The following GRIA1 variants were observed in gnomAD, a reference collection of about 807,000 sequenced individuals.
GRIA1 encodes glutamate ionotropic receptor AMPA type subunit 1, also known as glutamate receptor 1.
GRIA1 carries 31 observed loss-of-function variants against 99.2 expected under a neutral mutation model. The ratio of observed to expected loss-of-function variants is 0.31; its 90% CI spans 0.23 to 0.42. GRIA1 has a LOEUF of 0.42. Ranked by LOEUF, GRIA1 falls within the 10% of genes least tolerant of loss-of-function variation. The pLI, the probability that GRIA1 is intolerant of heterozygous loss-of-function variation, is 1.00. For synonymous variants in GRIA1, 438 were observed against 432.4 expected (o/e 1.01, Z -0.16); for missense variants, 782 against 1,157.5 (o/e 0.68, Z 4.71).
At chr5:153,639,108 C>T (rs1442273974) in intron 2 of GRIA1, among the ~76,000 whole-genome samples, 1 of 152,196 alleles carries the variant, frequency 6.6e-6, no homozygotes, top group Admixed American at 6.5e-5. Context: ...GTTCCTGTTC[C>T]CATTTTCTAG....
rs1439428827 is a variant in GRIA1 at position 153,677,165 on chromosome 5, A to G, written c.1029+4A>G. On this transcript the variant is annotated splice_donor_region_variant and intron_variant, in intron 7 of 15. Transcript: ENST00000285900. ...CATCCAGAGAGCTCTGCAGCAGGTAAGACCACCAATGTTTGCCCCATCTCA... is the reference window on the plus strand; with the variant it reads ...CATCCAGAGAGCTCTGCAGCAGGTAGGACCACCAATGTTTGCCCCATCTCA... 6.8e-7 allele frequency: 1 copy of G among 1,464,386 alleles called. No individual in the cohort carries two copies. Among genetic ancestry groups the G allele is most frequent in the African/African-American group, 1.4e-5 (1 of 70,330 alleles). 90.7% of individuals were successfully genotyped at this position (1,464,386 alleles called of 1,614,324 possible).
intron 2 of GRIA1, among the ~76,000 whole-genome samples, chr5:153,533,328 C>T (rs1010801748): frequency 7.9e-5 from 12 of 151,408 alleles, no homozygotes; most frequent in African/African-American, 2.9e-4. Flanking sequence ...TGGCCAGCCT[C>T]GGTTCTTCGG....
intron 13 of GRIA1, among the ~76,000 whole-genome samples, chr5:153,790,475 A>T (rs1765230855): frequency 6.6e-6 from 1 of 152,124 alleles, no homozygotes; most frequent in Non-Finnish European, 1.5e-5. Flanking sequence ...TGAACCCCAA[A>T]TCTAGCCAAC....
At chr5:153,601,147 C>G (rs917672904) in intron 2 of GRIA1, among the ~76,000 whole-genome samples, 9 of 152,184 alleles carry the variant, frequency 5.9e-5, no homozygotes, top group African/African-American at 2.2e-4. Flanking sequence ...GTGCCAGACC[C>G]TGTGTTTAGC....
At chr5:153,513,397 C>T (rs539652428) in intron 2 of GRIA1, among the ~76,000 whole-genome samples, 6 of 152,146 alleles carry the variant, frequency 3.9e-5, no homozygotes, top group African/African-American at 9.6e-5. Flanking sequence ...TGAATTCCCC[C>T]GCCAACGCAG....
rs144918295 is a variant in GRIA1 at position 153,532,077 on chromosome 5, G to A, written c.220+38012G>A. On this transcript the variant is annotated intron_variant, in intron 2 of 15. Coordinates refer to ENST00000285900, the MANE Select transcript of GRIA1 (RefSeq NM_000827.4). ...CCAGAGCTTTATTGCAGGGTGTAGGGGGTGTCACTCTTTTACAGCCTTTAC... is the reference window on the plus strand; with the variant it reads ...CCAGAGCTTTATTGCAGGGTGTAGGAGGTGTCACTCTTTTACAGCCTTTAC... Among the ~76,000 whole-genome samples, 1,049 of 152,154 alleles carry A rather than the reference G, an allele frequency of 6.9e-3. 14 individuals carry two copies. The highest frequency in any genetic ancestry group is 0.024 in the African/African-American group (983 of 41,518).
At chr5:153,684,313 G>T (rs1044216673) in intron 7 of GRIA1, among the ~76,000 whole-genome samples, 3 of 152,062 alleles carry the variant, frequency 2.0e-5, no homozygotes, top group African/African-American at 7.2e-5. Flanking sequence ...ATAACAGCTG[G>T]CATTTTTTGA....
chr5:153,601,049 C>G (rs1387801103), intron 2 of GRIA1, among the ~76,000 whole-genome samples: 1 of 152,194 alleles, frequency 6.6e-6, no homozygotes, highest in Non-Finnish European at 1.5e-5. Context: ...TAGAGGACCA[C>G]TTTGCAGGGA....
At chr5:153,765,442 A>G (rs1240299143) in intron 12 of GRIA1, among the ~76,000 whole-genome samples, 2 of 152,182 alleles carry the variant, frequency 1.3e-5, no homozygotes, top group Non-Finnish European at 2.9e-5. Flanking sequence ...GGAAATGCAA[A>G]CCTTTGGGAG....
chr5:153,794,499 C>G, intron 13 of GRIA1, 122 bp from the exon 14 acceptor site: 1 of 702,232 alleles, frequency 1.4e-6, no homozygotes, highest in Non-Finnish European at 2.6e-6. Flanking sequence ...AGGGCATCCT[C>G]AGGTCAAAGG....
intron 2 of GRIA1, among the ~76,000 whole-genome samples, chr5:153,519,002 C>T (rs749889492): frequency 5.3e-5 from 8 of 152,160 alleles, no homozygotes; most frequent in East Asian, 1.9e-4. Flanking sequence ...CGGTGGCTTA[C>T]GCCTGTAATC....
chr5:153,679,703 T>A (rs1469832503), intron 7 of GRIA1, among the ~76,000 whole-genome samples: 1 of 152,210 alleles, frequency 6.6e-6, no homozygotes, highest in Non-Finnish European at 1.5e-5. Context: ...CCTGATGGTA[T>A]CCAGTCTTAG....
chr5:153,777,475 T>C lies in GRIA1; in HGVS notation c.2270+7060T>C, dbSNP rs375452815. ...AACGTCTGTCTTCTTATCTGAAAAA[T>C]TGGAATAATAATTTTGTGCAGCTGC... On this transcript the variant is annotated intron_variant, in intron 13 of 15. Transcript: ENST00000285900. 2.6e-5 allele frequency among the ~76,000 whole-genome samples: 4 copies of C among 152,008 alleles called. No individual in the cohort carries two copies. In the East Asian group the frequency reaches 5.8e-4, roughly 22 times the overall value.
intron 2 of GRIA1, among the ~76,000 whole-genome samples, chr5:153,565,021 C>T (rs1335688913): frequency 6.6e-6 from 1 of 151,652 alleles, no homozygotes; most frequent in African/African-American, 2.4e-5. Context: ...TCACAACAAC[C>T]CAAAGTTATA....
intron 11 of GRIA1, among the ~76,000 whole-genome samples, chr5:153,753,230 G>A (rs1297124981): frequency 2.6e-5 from 4 of 152,202 alleles, no homozygotes; most frequent in Admixed American, 2.0e-4. Context: ...ATAAGCTGCT[G>A]TGTTTGTGTC....
At chr5:153,800,147 T>C (rs1424140665) in intron 14 of GRIA1, among the ~76,000 whole-genome samples, 1 of 152,182 alleles carries the variant, frequency 6.6e-6, no homozygotes, top group African/African-American at 2.4e-5. Context: ...AGCCTCCAGC[T>C]TTCTTTTTTA....
At chr5:153,619,405 G>A (rs1040422702) in intron 2 of GRIA1, among the ~76,000 whole-genome samples, 1 of 152,168 alleles carries the variant, frequency 6.6e-6, no homozygotes, top group African/African-American at 2.4e-5. Flanking sequence ...GAAAGACTAG[G>A]TTAGGGCATT....
upstream of GRIA1, chr5:153,489,971 A>T (rs920633903): frequency 1.0e-5 from 4 of 394,632 alleles, no homozygotes; most frequent in Non-Finnish European, 2.0e-5. Flanking sequence ...TCACTTGTAA[A>T]GGTAGACAGG....
At chr5:153,726,845 C>T (rs2149550517) in intron 11 of GRIA1, among the ~76,000 whole-genome samples, 1 of 152,214 alleles carries the variant, frequency 6.6e-6, no homozygotes, top group South Asian at 2.1e-4. Context: ...GAAACTATTC[C>T]AATCAATAGA....
Sources: allele counts gnomAD v4.1 joint callset (sites outside exome capture counted in the v4.1 genomes callset), GRCh38; gene constraint gnomAD v4.1.1; transcripts MANE v1.5; gene names NCBI Gene and HGNC (gene_info 2026-07-23, HGNC 2026-07-21).